GRB10: variants seen among roughly 807,000 people sequenced by gnomAD.
GRB10 encodes growth factor receptor bound protein 10, also known as growth factor receptor-bound protein 10.
GRB10 carries 20 observed loss-of-function variants against 80.9 expected under a neutral mutation model. The observed-to-expected ratio is 0.25, with a 90% CI of 0.17 to 0.36. The LOEUF (loss-of-function observed/expected upper bound fraction) is 0.36, where lower values mean the gene tolerates loss of function less well. GRB10 is among the 10% of genes least tolerant of loss of function. GRB10 has a pLI of 1.00. For synonymous variants in GRB10, 291 were observed against 291.5 expected (o/e 1.00, Z 0.02); for missense variants, 548 against 747.7 (o/e 0.73, Z 3.12).
At chr7:50,613,806 A>G (rs1201454524) in intron 12 of GRB10, among the ~76,000 whole-genome samples, 2 of 152,168 alleles carry the variant, frequency 1.3e-5, no homozygotes, top group Non-Finnish European at 2.9e-5. Context: ...GTATTCCCTG[A>G]GCAAGGTATG....
intron 5 of GRB10, among the ~76,000 whole-genome samples, chr7:50,698,746 C>T (rs945986517): frequency 3.3e-5 from 5 of 152,318 alleles, no homozygotes; most frequent in Non-Finnish European, 5.9e-5. Context: ...CCTCCAAACG[C>T]CTTGTTGTTT....
chr7:50,757,496 G>A (rs1184123638), intron 2 of GRB10, among the ~76,000 whole-genome samples: 1 of 152,220 alleles, frequency 6.6e-6, no homozygotes, highest in African/African-American at 2.4e-5. Context: ...GACCAAAAGG[G>A]GAGATATGTG....
chr7:50,606,679 T>C, intron 13 of GRB10: 2 of 505,584 alleles, frequency 4.0e-6, no homozygotes, highest in Non-Finnish European at 7.2e-6. Flanking sequence ...GAAGCCTTAA[T>C]GATAACATAA....
intron 5 of GRB10, among the ~76,000 whole-genome samples, chr7:50,680,683 G>C (rs1403330205): frequency 6.6e-6 from 1 of 152,264 alleles, no homozygotes; most frequent in South Asian, 2.1e-4. Flanking sequence ...TATATCCTGG[G>C]CATAACATAG....
chr7:50,614,241 CAT>C (rs1223244291), intron 12 of GRB10, among the ~76,000 whole-genome samples: 1 of 152,146 alleles, frequency 6.6e-6, no homozygotes, highest in Non-Finnish European at 1.5e-5. Context: ...TATGTCTATA[CAT>C]GTATGTATGC....
chr7:50,605,970 T>C (rs2048445814), intron 14 of GRB10, among the ~76,000 whole-genome samples: 4 of 152,122 alleles, frequency 2.6e-5, no homozygotes, highest in Admixed American at 2.6e-4. Flanking sequence ...GAATGCAGCG[T>C]TAATAGTCAA....
intron 3 of GRB10, among the ~76,000 whole-genome samples, chr7:50,746,060 G>T (rs2072836434): frequency 6.6e-6 from 1 of 152,190 alleles, no homozygotes; most frequent in Non-Finnish European, 1.5e-5. Flanking sequence ...CTGAGAGTAG[G>T]ATGTGGCAGT....
intron 3 of GRB10, among the ~76,000 whole-genome samples, chr7:50,736,615 A>G (rs1404863265): frequency 1.3e-5 from 2 of 152,174 alleles, no homozygotes; most frequent in African/African-American, 4.8e-5. Flanking sequence ...CAACATGGTG[A>G]AACACCGCCT....
At chr7:50,722,488 G>A (rs1443818701) in intron 4 of GRB10, among the ~76,000 whole-genome samples, 2 of 152,244 alleles carry the variant, frequency 1.3e-5, no homozygotes, top group Non-Finnish European at 2.9e-5. Flanking sequence ...CAAAGCCACA[G>A]AAAGCACATT....
chr7:50,598,211 T>A (rs1026393490), intron 17 of GRB10, among the ~76,000 whole-genome samples: 4 of 152,230 alleles, frequency 2.6e-5, no homozygotes, highest in Non-Finnish European at 5.9e-5. Context: ...ATGGCTGATG[T>A]ATATACAGCT....
chr7:50,674,055 T>C (rs2060636260), intron 6 of GRB10, among the ~76,000 whole-genome samples: 1 of 152,180 alleles, frequency 6.6e-6, no homozygotes, highest in Admixed American at 6.5e-5. Flanking sequence ...GGGGGTGCTG[T>C]AGCTGCTAGC....
At chr7:50,775,790 C>G (rs1172966280) in intron 2 of GRB10, among the ~76,000 whole-genome samples, 1 of 152,206 alleles carries the variant, frequency 6.6e-6, no homozygotes, top group Non-Finnish European at 1.5e-5. Flanking sequence ...GCAGACTTAG[C>G]GCCATGTGGA....
chr7:50,610,112 G>A (rs1019235729), intron 13 of GRB10, among the ~76,000 whole-genome samples: 1 of 152,042 alleles, frequency 6.6e-6, no homozygotes, highest in African/African-American at 2.4e-5. Context: ...AAGGGGATCC[G>A]GTGTCCTGTG....
At position 50,622,593 on chromosome 7, in the gene GRB10, C is replaced by T. The variant is rs574702039; in HGVS notation, c.662-3308G>A. Among the ~76,000 whole-genome samples, 15 of 152,246 alleles carry T rather than the reference C, an allele frequency of 9.9e-5. No homozygotes were observed. The South Asian group carries it at 2.9e-3, about 29-fold the overall frequency. ...CTGTGTTCTCTGTGTAAGTTCCAGC[C>T]TCTCTCCCAGATTATCTGACCTTAG... On this transcript the variant is annotated intron_variant, in intron 8 of 18. Coordinates refer to ENST00000401949, the MANE Select transcript of GRB10 (RefSeq NM_001350814.2).
rs541029873 is a variant in GRB10, at chr7:50,792,752, C to A, written c.-294+472G>T. 5.4e-3 allele frequency: 1,415 copies of A among 264,308 alleles called. 28 individuals carry two copies. Among genetic ancestry groups the A allele is most frequent in the African/African-American group, 0.029 (1,290 of 44,524 alleles). The allele number at this position is 264,308 out of a possible 1,614,324, so 16.4% of individuals were successfully genotyped here. On this transcript the variant is annotated intron_variant, in intron 1 of 16. Coordinates refer to the GRB10 transcript ENST00000335866. Reference sequence around the variant, plus strand: ...CGCCCGGGCGCGCGCGCCGCGGCCCCGCCGCGCAGTCGGAGCACCCGGGGC... The same window carrying A: ...CGCCCGGGCGCGCGCGCCGCGGCCCAGCCGCGCAGTCGGAGCACCCGGGGC...
At chr7:50,675,771 G>C (rs530952603) in intron 5 of GRB10, among the ~76,000 whole-genome samples, 32 of 150,264 alleles carry the variant, frequency 2.1e-4, no homozygotes, top group South Asian at 4.4e-4. Context: ...TGTTTCTCCA[G>C]AGAAACAGAG....
intron 11 of GRB10, among the ~76,000 whole-genome samples, chr7:50,615,147 A>G (rs1021694254): frequency 5.3e-5 from 8 of 152,172 alleles, no homozygotes; most frequent in Non-Finnish European, 8.8e-5. Context: ...TCAAAGCCCC[A>G]TGACCGGATA....
rs147762805 is a variant in GRB10, at chr7:50,750,533, C to A, written c.-47+5354G>T. ...TCCAATGATCACAGCACACGTTGAG[C>A]CTGCCGAGAGTCTCTCTTGGGGCAA... is the stretch of plus-strand genomic sequence containing the variant. On this transcript the variant is annotated intron_variant, in intron 3 of 18. Transcript: ENST00000401949. 5.1e-4 allele frequency among the ~76,000 whole-genome samples: 77 copies of A among 152,284 alleles called. 1 individual carries two copies. In the East Asian group the frequency reaches 0.014, roughly 28 times the overall value.
chr7:50,723,907 G>A (rs1270392428), intron 4 of GRB10, among the ~76,000 whole-genome samples: 1 of 152,206 alleles, frequency 6.6e-6, no homozygotes, highest in African/African-American at 2.4e-5. Flanking sequence ...GCTACAGAGG[G>A]ACCCACAGGC....
Sources: allele counts gnomAD v4.1 joint callset (sites outside exome capture counted in the v4.1 genomes callset), GRCh38; gene constraint gnomAD v4.1.1; transcripts MANE v1.5; gene names NCBI Gene and HGNC (gene_info 2026-07-23, HGNC 2026-07-21).